Variants in FGF14 observed in about 807,000 individuals in gnomAD.
FGF14 encodes fibroblast growth factor homologous factor 4.
FGF14 carries 5 observed loss-of-function variants against 25.5 expected under a neutral mutation model. That is an observed-to-expected ratio of 0.20 (90% CI 0.10 to 0.41). The LOEUF (loss-of-function observed/expected upper bound fraction) is 0.41, where lower values mean the gene tolerates loss of function less well. Ranked by LOEUF, FGF14 falls within the 10% of genes least tolerant of loss-of-function variation. The pLI is 1.00. For missense variants in FGF14, 222 were observed against 320.1 expected, an observed-to-expected ratio of 0.69 and a Z score of 2.34; for synonymous variants, 138 against 118.3, an observed-to-expected ratio of 1.17 and a Z score of -1.08.
intron 1 of FGF14, among the ~76,000 whole-genome samples, chr13:102,171,147 T>C (rs937942365): frequency 2.0e-5 from 3 of 152,156 alleles, no homozygotes; most frequent in Non-Finnish European, 1.5e-5. Flanking sequence ...GACACAACCA[T>C]GTTAAAAAAT....
At chr13:101,972,163 A>C (rs1196587636) in intron 1 of FGF14, among the ~76,000 whole-genome samples, 1 of 152,242 alleles carries the variant, frequency 6.6e-6, no homozygotes, top group Non-Finnish European at 1.5e-5. Context: ...ACATGCTTTA[A>C]ATAAATGTGG....
intron 1 of FGF14, among the ~76,000 whole-genome samples, chr13:101,929,454 C>T (rs970911177): frequency 6.6e-6 from 1 of 152,158 alleles, no homozygotes; most frequent in African/African-American, 2.4e-5. Flanking sequence ...AAAAGCCTGT[C>T]AGTGACGAAA....
At position 102,085,330 on chromosome 13, in the gene FGF14, T is replaced by C. The variant is rs149054312; in HGVS notation, c.209-210034A>G. On this transcript the variant is annotated intron_variant, in intron 1 of 4. Coordinates refer to the FGF14 transcript ENST00000376131. ...AGGCATTGTACTTAATCCAAGTTCA[T>C]TGAATCTGAAAACAATCCTAAAATG... Among the ~76,000 whole-genome samples the C allele has an allele frequency of 4.3e-4, 65 of 152,320 alleles. No individual in the cohort carries two copies. In the East Asian group the frequency reaches 7.7e-3, roughly 18 times the overall value.
intron 1 of FGF14, among the ~76,000 whole-genome samples, chr13:102,032,531 A>G (rs1161427176): frequency 6.6e-6 from 1 of 151,894 alleles, no homozygotes; most frequent in Non-Finnish European, 1.5e-5. Flanking sequence ...TTCCTATGGC[A>G]TTTGGAAATT....
At position 101,965,987 on chromosome 13, in the gene FGF14, C is replaced by A. The variant is rs192604107; in HGVS notation, c.209-90691G>T. On this transcript the variant is annotated intron_variant, in intron 1 of 4. Coordinates refer to the FGF14 transcript ENST00000376131. ...CCACACATCACCGTCACCAGAACCA[C>A]AATCAACTTTTCTATTCCTGTACCT... Among the ~76,000 whole-genome samples the A allele has an allele frequency of 2.6e-3, 397 of 152,278 alleles. 5 individuals are homozygous for A. The highest frequency in any genetic ancestry group is 9.1e-3 in the African/African-American group (379 of 41,550).
At chr13:102,364,091 T>C (rs568088181) in intron 1 of FGF14, among the ~76,000 whole-genome samples, 1 of 152,372 alleles carries the variant, frequency 6.6e-6, no homozygotes, top group African/African-American at 2.4e-5. Context: ...AATTGTGTTA[T>C]TGCTACTTTT....
In FGF14 at chr13:101,711,079, G is replaced by A. The variant is rs1186802031; in HGVS notation, c.*11752C>T. The A allele has an allele frequency of 6.6e-6, 1 of 152,222 alleles. No homozygotes were observed. The highest frequency in any genetic ancestry group is 1.9e-4 in the East Asian group (1 of 5,188). 9.4% of individuals were successfully genotyped at this position (152,222 alleles called of 1,614,324 possible). The stretch of plus-strand genomic sequence containing the variant: ...GTTTTTGTGAATAACCAAGAGAGAT[G>A]AGGTTAGTGCAGTGCCGGGTCTTCC... On this transcript the variant is annotated 3_prime_UTR_variant, in exon 5 of 5. Coordinates refer to ENST00000376143, the MANE Select transcript of FGF14 (RefSeq NM_004115.4).
intron 1 of FGF14, among the ~76,000 whole-genome samples, chr13:102,252,541 T>C (rs1001251498): frequency 1.3e-5 from 2 of 152,144 alleles, no homozygotes; most frequent in African/African-American, 2.4e-5. Flanking sequence ...CCTTGGCACA[T>C]CTTCCCATAT....
At chr13:102,233,348 T>C (rs2051171903) in intron 1 of FGF14, among the ~76,000 whole-genome samples, 1 of 151,968 alleles carries the variant, frequency 6.6e-6, no homozygotes, top group East Asian at 1.9e-4. Context: ...CCAGGCTGTT[T>C]TCGAACTCCT....
At chr13:101,943,820 AAAAAAAAT>A (rs1307752528) in intron 1 of FGF14, among the ~76,000 whole-genome samples, 1 of 121,182 alleles carries the variant, frequency 8.3e-6, no homozygotes, top group Non-Finnish European at 1.5e-5. Flanking sequence ...CTTAAAAAAA[AAAAAAAAT>A]ATATATATAT....
At chr13:102,098,789 TG>T (rs2044523861) in intron 1 of FGF14, among the ~76,000 whole-genome samples, 1 of 152,218 alleles carries the variant, frequency 6.6e-6, no homozygotes, top group Non-Finnish European at 1.5e-5. Context: ...AAGGCTCCCC[TG>T]CAACCAGGTA....
chr13:102,234,596 T>TA (rs1443810507), intron 1 of FGF14, among the ~76,000 whole-genome samples: 4 of 152,278 alleles, frequency 2.6e-5, no homozygotes, highest in African/African-American at 9.6e-5. Flanking sequence ...AATAAAATAA[T>TA]TTTTTAAATA....
At chr13:102,229,238 G>C (rs957197457) in intron 1 of FGF14, among the ~76,000 whole-genome samples, 2 of 152,146 alleles carry the variant, frequency 1.3e-5, no homozygotes, top group African/African-American at 4.8e-5. Context: ...AAGCTCTGTT[G>C]TCCTAATTTC....
At chr13:101,787,685 C>T (rs1412861976) in intron 3 of FGF14, among the ~76,000 whole-genome samples, 6 of 152,078 alleles carry the variant, frequency 3.9e-5, no homozygotes, top group South Asian at 2.1e-4. Flanking sequence ...TCCTCCTACC[C>T]GGTGCCTCCA....
At chr13:101,885,680 A>C (rs1456374843) in intron 1 of FGF14, among the ~76,000 whole-genome samples, 1 of 150,618 alleles carries the variant, frequency 6.6e-6, no homozygotes, top group Non-Finnish European at 1.5e-5. Context: ...TGTGTGTGTA[A>C]CTGATGTGGC....
chr13:102,343,956 T>G (rs1038723926), intron 1 of FGF14, among the ~76,000 whole-genome samples: 3 of 152,222 alleles, frequency 2.0e-5, no homozygotes, highest in Non-Finnish European at 4.4e-5. Flanking sequence ...CTCTGCCTTG[T>G]GTTTTTCGTA....
Position 101,832,539 on chromosome 13 carries a change from T to C in FGF14, c.408+36186A>G, listed in dbSNP as rs542205773. The stretch of plus-strand genomic sequence containing the variant: ...AATTGTAGAGATCAGCTGGACTTGA[T>C]AGAGGAGGAGACAAGACACGATGAC... On this transcript the variant is annotated intron_variant, in intron 3 of 4. Coordinates refer to ENST00000376143, the MANE Select transcript of FGF14 (RefSeq NM_004115.4). Among the ~76,000 whole-genome samples, 3 of 152,028 alleles carry C rather than the reference T, an allele frequency of 2.0e-5. No individual in the cohort carries two copies. The South Asian group carries it at 6.2e-4, about 32-fold the overall frequency.
chr13:101,946,182 C>A (rs1299864997), intron 1 of FGF14, among the ~76,000 whole-genome samples: 3 of 152,082 alleles, frequency 2.0e-5, no homozygotes, highest in African/African-American at 7.2e-5. Flanking sequence ...GATCAAAGGG[C>A]AGTCTTCCCC....
intron 1 of FGF14, among the ~76,000 whole-genome samples, chr13:102,128,872 C>T (rs2046061819): frequency 6.6e-6 from 1 of 152,100 alleles, no homozygotes; most frequent in Non-Finnish European, 1.5e-5. Flanking sequence ...CACTTGAGGT[C>T]AGGAGTTCGA....
Sources: allele counts gnomAD v4.1 joint callset (sites outside exome capture counted in the v4.1 genomes callset), GRCh38; gene constraint gnomAD v4.1.1; transcripts MANE v1.5; gene names NCBI Gene and HGNC (gene_info 2026-07-23, HGNC 2026-07-21).